SERPINE2: variants seen among roughly 807,000 people sequenced by gnomAD.
The protein encoded by SERPINE2 is serpin family E member 2.
In SERPINE2, 14 loss-of-function variants were observed where a neutral mutation model predicts 36.3. The ratio of observed to expected loss-of-function variants is 0.39; its 90% CI spans 0.25 to 0.60. The LOEUF (loss-of-function observed/expected upper bound fraction) is 0.60, where lower values mean the gene tolerates loss of function less well. Among genes scored for constraint, SERPINE2 ranks in the 20% least tolerant of loss-of-function variants. The probability of loss-of-function intolerance (pLI) is 0.57; values close to 1 mark genes in which losing one functional copy is unlikely to be tolerated. For missense variants in SERPINE2, 418 were observed against 499.6 expected (o/e 0.84, Z 1.56); for synonymous variants, 192 against 191.8 (o/e 1.00, Z -0.01).
chr2:224,035,523 T>C (rs1251268715), intron 1 of SERPINE2, among the ~76,000 whole-genome samples: 2 of 152,030 alleles, frequency 1.3e-5, no homozygotes, highest in African/African-American at 2.4e-5. Context: ...GCTGGGATTA[T>C]AGGCGCAGCT....
rs560126901 is a variant in SERPINE2 at position 224,031,666 on chromosome 2, A to C, written c.-23+7433T>G. ...TGACTTAGCATCAGCCAATCATAGG[A>C]CCTCACTCCTCTGCCCACAGCCATT... On this transcript the variant is annotated intron_variant, in intron 1 of 8. Transcript: ENST00000409304. 8.6e-5 allele frequency among the ~76,000 whole-genome samples: 13 copies of C among 151,938 alleles called. No homozygotes were observed. In the East Asian group the frequency reaches 1.7e-3, roughly 20 times the overall value.
At chr2:224,017,528 T>G (rs1039546761) in intron 1 of SERPINE2, among the ~76,000 whole-genome samples, 1 of 152,182 alleles carries the variant, frequency 6.6e-6, no homozygotes, top group African/African-American at 2.4e-5. Flanking sequence ...ATAACAGTAT[T>G]AATTCTTATT....
chr2:224,005,842 G>C (rs1691402424), intron 1 of SERPINE2, among the ~76,000 whole-genome samples: 2 of 152,156 alleles, frequency 1.3e-5, no homozygotes, highest in Admixed American at 1.3e-4. Flanking sequence ...AGTAAAAATA[G>C]GTCTCTAGGC....
At chr2:224,000,459 T>C (rs903949239) in intron 2 of SERPINE2, among the ~76,000 whole-genome samples, 4 of 152,152 alleles carry the variant, frequency 2.6e-5, no homozygotes, top group African/African-American at 9.7e-5. Flanking sequence ...CTAAATCTTT[T>C]TCATTGGGCC....
chr2:223,977,678 A>G (rs1205118404), intron 7 of SERPINE2, 51 bp from the exon 8 acceptor site: 1 of 1,276,650 alleles, frequency 7.8e-7, no homozygotes, highest in South Asian at 1.2e-5. Context: ...AGACCATGTA[A>G]GCATAAGGCC....
intron 3 of SERPINE2, among the ~76,000 whole-genome samples, chr2:223,994,629 C>A (rs953279894): frequency 2.0e-5 from 3 of 152,158 alleles, no homozygotes; most frequent in African/African-American, 7.2e-5. Flanking sequence ...AAGTATACAG[C>A]TGCAATTTAA....
chr2:224,037,132 A>G (rs965537012), intron 1 of SERPINE2, among the ~76,000 whole-genome samples: 5 of 152,206 alleles, frequency 3.3e-5, no homozygotes, highest in African/African-American at 1.2e-4. Context: ...TCTATTTACC[A>G]CCTATGAGTA....
chr2:224,012,574 G>C (rs7602765), intron 1 of SERPINE2, among the ~76,000 whole-genome samples: 1 of 148,660 alleles, frequency 6.7e-6, no homozygotes, highest in East Asian at 2.0e-4. Context: ...CTGCACTCCA[G>C]TCTGGGCGAC....
At chr2:224,019,260 ATT>A (rs1691906588) in intron 1 of SERPINE2, among the ~76,000 whole-genome samples, 1 of 15,424 alleles carries the variant, frequency 6.5e-5, no homozygotes, top group African/African-American at 9.4e-5. Context: ...ATAAAAATAT[ATT>A]GTTTTTTATA....
chr2:224,030,971 C>A, intron 1 of SERPINE2: 3 of 985,414 alleles, frequency 3.0e-6, no homozygotes, highest in Non-Finnish European at 3.6e-6. Flanking sequence ...ATGATTCAAA[C>A]GTACCACACA....
intron 6 of SERPINE2, chr2:223,981,158 T>C (rs1690214084): frequency 6.6e-6 from 1 of 152,226 alleles, no homozygotes; most frequent in African/African-American, 2.4e-5. Context: ...GTCATCTGCT[T>C]GTGAACTATC....
chr2:224,001,960 A>T, intron 1 of SERPINE2, 38 bp from the exon 2 acceptor site: 2 of 1,534,312 alleles, frequency 1.3e-6, no homozygotes, highest in Non-Finnish European at 8.8e-7. Context: ...AATTATACTT[A>T]AATGGGTACT....
chr2:224,029,799 A>G (rs1466443720), intron 1 of SERPINE2, among the ~76,000 whole-genome samples: 1 of 152,176 alleles, frequency 6.6e-6, no homozygotes, highest in African/African-American at 2.4e-5. Context: ...CCGGGGTTCA[A>G]GTGATTCTCA....
rs112923731 is a variant in SERPINE2, at chr2:224,029,503, C to T, written c.-23+9596G>A. ...CGGAATCAAATCATAATTAAATGAC[C>T]ATCACCATGTGCTTTAACAATATTC... On this transcript the variant is annotated intron_variant, in intron 1 of 8. Coordinates refer to ENST00000409304, the MANE Select transcript of SERPINE2 (RefSeq NM_001136528.2). Among the ~76,000 whole-genome samples the T allele has an allele frequency of 5.8e-3, 880 of 152,204 alleles. 6 individuals are homozygous for T. The highest frequency in any genetic ancestry group is 0.02 in the African/African-American group (843 of 41,514).
intron 1 of SERPINE2, among the ~76,000 whole-genome samples, chr2:224,009,582 CTACTCCA>C (rs1691552639): frequency 6.6e-6 from 1 of 152,052 alleles, no homozygotes; most frequent in Non-Finnish European, 1.5e-5. Flanking sequence ...ATAATCCCAG[CTACTCCA>C]GAGGCTGAGG....
chr2:223,996,614 T>C (rs1289987445), intron 3 of SERPINE2, among the ~76,000 whole-genome samples: 1 of 152,166 alleles, frequency 6.6e-6, no homozygotes, highest in Non-Finnish European at 1.5e-5. Flanking sequence ...GCGATTCCAA[T>C]GCAGTGGGCT....
chr2:223,980,040 A>T (rs1690162680), intron 7 of SERPINE2: 1 of 302,894 alleles, frequency 3.3e-6, no homozygotes, highest in Non-Finnish European at 6.2e-6. Flanking sequence ...AATCTGAAAT[A>T]CATACTACCT....
At chr2:223,998,017 CATTGA>C (rs1690961202) in intron 3 of SERPINE2, 93 bp downstream of exon 3, 1 of 914,014 alleles carries the variant, frequency 1.1e-6, no homozygotes, top group Non-Finnish European at 1.8e-6. Context: ...ACCCACAGGC[CATTGA>C]ATTGGACTTG....
At chr2:224,019,706 C>T (rs573829890) in intron 1 of SERPINE2, among the ~76,000 whole-genome samples, 209 of 150,880 alleles carry the variant, frequency 1.4e-3, no homozygotes, top group Non-Finnish European at 2.4e-3. Flanking sequence ...ATTACAGTGG[C>T]CACCATCTTA....
Sources: allele counts gnomAD v4.1 joint callset (sites outside exome capture counted in the v4.1 genomes callset), GRCh38; gene constraint gnomAD v4.1.1; transcripts MANE v1.5; gene names NCBI Gene and HGNC (gene_info 2026-07-23, HGNC 2026-07-21).